Variants in ADAM2 observed in about 807,000 individuals in gnomAD.
ADAM2 encodes disintegrin and metalloproteinase domain-containing protein 2.
Under a neutral mutation model 99.3 loss-of-function variants are expected in ADAM2, and 101 were observed. The observed-to-expected ratio is 1.02, with a 90% CI of 0.87 to 1.20. The LOEUF is 1.20. Ranked by LOEUF, ADAM2 falls within the 50% of genes most tolerant of loss-of-function variation. The pLI is 0.00. For missense variants in ADAM2, 948 were observed against 878.7 expected (o/e 1.08, Z -1.00); for synonymous variants, 323 against 287.6 (o/e 1.12, Z -1.25).
chr8:39,785,350 T>A (rs368619375), intron 10 of ADAM2, among the ~76,000 whole-genome samples: 97 of 152,206 alleles, frequency 6.4e-4, no homozygotes, highest in African/African-American at 2.2e-3. Context: ...CGGCTCTTAT[T>A]ACAAAATAAA....
intron 15 of ADAM2, among the ~76,000 whole-genome samples, chr8:39,760,882 C>CAAAAAAAAAAAAAAA (rs58386097): frequency 8.3e-5 from 5 of 60,182 alleles, no homozygotes; most frequent in African/African-American, 2.7e-4. Context: ...GACTCCATCT[C>CAAAAAAAAAAAAAAA]AAAAAAAAAA....
intron 4 of ADAM2, among the ~76,000 whole-genome samples, chr8:39,823,802 T>C (rs1397820124): frequency 1.3e-5 from 2 of 152,170 alleles, no homozygotes; most frequent in South Asian, 2.1e-4. Flanking sequence ...AACTGACTCA[T>C]AGAGTTGTGT....
Position 39,777,106 on chromosome 8 carries a change from C to T in ADAM2, c.947G>A (p.Ser316Asn). 2 of 1,609,470 alleles carry T rather than the reference C, an allele frequency of 1.2e-6. No homozygotes were observed. The highest frequency in any genetic ancestry group is 1.7e-6 in the Non-Finnish European group (2 of 1,176,404). Residue 316 changes from serine to asparagine, a missense_variant, in exon 11 of 21, where the codon AGC becomes AAC. By Grantham distance (46) the Ser-to-Asn change is conservative (BLOSUM62 1). Transcript: ENST00000265708. Reference protein sequence around the residue: ...SLAVILAQLLSLSMGITYDDI... With the variant: ...SLAVILAQLLNLSMGITYDDI... ...ATCATAAGTGATCCCCATACTAAGGCTCAATAATTGAGCTAAAATAACTGC... is the reference window on the plus strand; with the variant it reads ...ATCATAAGTGATCCCCATACTAAGGTTCAATAATTGAGCTAAAATAACTGC...
chr8:39,754,938 C>G (rs530554512), intron 16 of ADAM2, among the ~76,000 whole-genome samples: 93 of 152,208 alleles, frequency 6.1e-4, no homozygotes, highest in Non-Finnish European at 9.4e-4. Flanking sequence ...TATTCTACAA[C>G]TCCATGTGTG....
At chr8:39,790,483 T>C (rs1451745) in intron 7 of ADAM2, among the ~76,000 whole-genome samples, 55,992 of 151,738 alleles carry the variant, frequency 0.37, 10,939 homozygotes, top group South Asian at 0.6. Flanking sequence ...AATCTGTATG[T>C]TCAAAAAGTA....
chr8:39,749,036 C>T (rs954486323), intron 18 of ADAM2, among the ~76,000 whole-genome samples: 13 of 152,034 alleles, frequency 8.6e-5, no homozygotes, highest in African/African-American at 3.1e-4. Flanking sequence ...TATGCAATTA[C>T]CGGATGCCTT....
At chr8:39,754,263 C>T (rs549215453) in intron 16 of ADAM2, among the ~76,000 whole-genome samples, 4 of 152,260 alleles carry the variant, frequency 2.6e-5, no homozygotes, top group African/African-American at 9.6e-5. Context: ...TTTTGAAGGC[C>T]ATGTAAAGGA....
chr8:39,815,412 C>T (rs1445146082), intron 6 of ADAM2, among the ~76,000 whole-genome samples: 1 of 151,990 alleles, frequency 6.6e-6, no homozygotes, highest in Non-Finnish European at 1.5e-5. Context: ...ATAATAGATA[C>T]TCAAATTTAG....
chr8:39,805,335 A>G (rs183605665), intron 7 of ADAM2, among the ~76,000 whole-genome samples: 2 of 152,350 alleles, frequency 1.3e-5, no homozygotes, highest in African/African-American at 4.8e-5. Flanking sequence ...TATGACAAGG[A>G]GTAGAATGTT....
chr8:39,801,931 G>T (rs1156540697), intron 7 of ADAM2, among the ~76,000 whole-genome samples: 1 of 152,126 alleles, frequency 6.6e-6, no homozygotes, highest in Non-Finnish European at 1.5e-5. Flanking sequence ...CGCCCAGGGA[G>T]CTTAGGCAGT....
chr8:39,828,039 G>T (rs2129588863), intron 3 of ADAM2, among the ~76,000 whole-genome samples: 1 of 151,912 alleles, frequency 6.6e-6, no homozygotes, highest in Non-Finnish European at 1.5e-5. Context: ...ATTAAATAAA[G>T]ATTTAATGAC....
chr8:39,798,740 A>G (rs1002664943), intron 7 of ADAM2, among the ~76,000 whole-genome samples: 2 of 151,892 alleles, frequency 1.3e-5, no homozygotes, highest in East Asian at 3.9e-4. Context: ...CTATTCAGAG[A>G]CTCAACATCT....
At chr8:39,782,503 A>T (rs1803272417) in intron 10 of ADAM2, among the ~76,000 whole-genome samples, 1 of 152,156 alleles carries the variant, frequency 6.6e-6, no homozygotes, top group African/African-American at 2.4e-5. Context: ...TTTGGAAATC[A>T]TGTGGGCCTA....
chr8:39,831,493 C>G (rs1035177134), intron 3 of ADAM2, among the ~76,000 whole-genome samples: 1 of 151,930 alleles, frequency 6.6e-6, no homozygotes, highest in African/African-American at 2.4e-5. Flanking sequence ...ATGGAAAAGT[C>G]CAAAGCTTGA....
At chr8:39,782,423 G>A (rs1803270181) in intron 10 of ADAM2, among the ~76,000 whole-genome samples, 1 of 152,010 alleles carries the variant, frequency 6.6e-6, no homozygotes, top group Non-Finnish European at 1.5e-5. Context: ...AAAACAAGGT[G>A]AGAATTAGCC....
intron 16 of ADAM2, among the ~76,000 whole-genome samples, chr8:39,752,192 T>A (rs993883144): frequency 1.3e-5 from 2 of 152,202 alleles, no homozygotes; most frequent in Non-Finnish European, 2.9e-5. Flanking sequence ...GCATTTTGGA[T>A]TTAAATGATC....
chr8:39,754,224 G>T (rs2129583202), intron 16 of ADAM2, among the ~76,000 whole-genome samples: 1 of 152,276 alleles, frequency 6.6e-6, no homozygotes, highest in Admixed American at 6.5e-5. Context: ...TTCACTAACT[G>T]TGGATATAAC....
intron 3 of ADAM2, among the ~76,000 whole-genome samples, chr8:39,831,997 A>C (rs2129589232): frequency 6.6e-6 from 1 of 152,322 alleles, no homozygotes; most frequent in African/African-American, 2.4e-5. Flanking sequence ...CAGAGTCCTT[A>C]GAGATATAAA....
intron 7 of ADAM2, among the ~76,000 whole-genome samples, chr8:39,802,777 G>T (rs1804273201): frequency 6.6e-6 from 1 of 152,080 alleles, no homozygotes. Context: ...TAGGCTTTAA[G>T]CTCAGATCTG....
Sources: allele counts gnomAD v4.1 joint callset (sites outside exome capture counted in the v4.1 genomes callset), GRCh38; gene constraint gnomAD v4.1.1; transcripts MANE v1.5; gene names NCBI Gene and HGNC (gene_info 2026-07-23, HGNC 2026-07-21).